PLXNA4: variants seen among roughly 807,000 people sequenced by gnomAD.
The protein encoded by PLXNA4 is plexin-A4.
A neutral mutation model predicts 191.8 loss-of-function variants in PLXNA4; 44 were observed. The observed-to-expected ratio is 0.23, with a 90% CI of 0.18 to 0.29. The LOEUF (loss-of-function observed/expected upper bound fraction) is 0.29. PLXNA4 is among the 10% of genes least tolerant of loss of function. The probability of loss-of-function intolerance (pLI) is 1.00; values close to 1 mark genes in which losing one functional copy is unlikely to be tolerated. For missense variants in PLXNA4, 1,800 were observed against 2,488.8 expected, an observed-to-expected ratio of 0.72 and a Z score of 5.89; for synonymous variants, 1,082 against 1,009.5, an observed-to-expected ratio of 1.07 and a Z score of -1.36.
At chr7:132,521,763 A>G (rs1204152004) in intron 1 of PLXNA4, among the ~76,000 whole-genome samples, 3 of 152,158 alleles carry the variant, frequency 2.0e-5, no homozygotes, top group African/African-American at 4.8e-5. Flanking sequence ...TCAGGTGCCC[A>G]TGACTGTAAA....
intron 3 of PLXNA4, among the ~76,000 whole-genome samples, chr7:132,412,642 T>C (rs927215545): frequency 4.6e-5 from 7 of 152,198 alleles, no homozygotes; most frequent in Admixed American, 1.3e-4. Flanking sequence ...GGTGACATGT[T>C]GAGGTTTGGC....
intron 3 of PLXNA4, among the ~76,000 whole-genome samples, chr7:132,436,001 C>T (rs956718578): frequency 7.9e-5 from 12 of 152,210 alleles, no homozygotes; most frequent in Non-Finnish European, 1.0e-4. Context: ...GGGGCACCCC[C>T]GAACCCTGCT....
At chr7:132,602,411 A>C (rs1020606034) in intron 2 of PLXNA4, among the ~76,000 whole-genome samples, 1 of 152,174 alleles carries the variant, frequency 6.6e-6, no homozygotes, top group Non-Finnish European at 1.5e-5. Flanking sequence ...CCAAGAGACC[A>C]TGTTGCCTCT....
intron 3 of PLXNA4, among the ~76,000 whole-genome samples, chr7:132,346,730 CTT>C (rs754941194): frequency 6.6e-6 from 1 of 152,178 alleles, no homozygotes. Flanking sequence ...AATGTAAACT[CTT>C]TTGAGATACT....
In PLXNA4 at chr7:132,524,814, G is replaced by A. The variant is rs562011301; in HGVS notation, c.-86-16035C>T. Among the ~76,000 whole-genome samples, 534 of 152,112 alleles carry A rather than the reference G, an allele frequency of 3.5e-3. 3 individuals are homozygous for A. Among genetic ancestry groups the A allele is most frequent in the African/African-American group, 0.011 (466 of 41,486 alleles). ...GATCTCCTGACCTCGTGATCCACCCGCCTCGGCCTCCCAAAGTCCTGGGAT... is the reference window on the plus strand; with the variant it reads ...GATCTCCTGACCTCGTGATCCACCCACCTCGGCCTCCCAAAGTCCTGGGAT... On this transcript the variant is annotated intron_variant, in intron 1 of 31. Coordinates refer to ENST00000321063, the MANE Select transcript of PLXNA4 (RefSeq NM_020911.2).
intron 3 of PLXNA4, chr7:132,384,200 T>C (rs1805018672): frequency 8.1e-6 from 8 of 985,436 alleles, no homozygotes; most frequent in Non-Finnish European, 9.6e-6. Context: ...TTGTGTATCC[T>C]CCAGGAACTA....
intron 3 of PLXNA4, among the ~76,000 whole-genome samples, chr7:132,378,847 C>CT (rs11375919): frequency 0.34 from 39,936 of 119,008 alleles, 8,603 homozygotes; most frequent in African/African-American, 0.57. Context: ...GGCACTGGAT[C>CT]TTTTTTTTTT....
At chr7:132,217,556 G>T (rs1280856147) in intron 9 of PLXNA4, among the ~76,000 whole-genome samples, 1 of 152,092 alleles carries the variant, frequency 6.6e-6, no homozygotes, top group African/African-American at 2.4e-5. Flanking sequence ...AGTCACCTCA[G>T]CCTTCATCAG....
At chr7:132,337,149 C>A (rs561504245) in intron 3 of PLXNA4, among the ~76,000 whole-genome samples, 1 of 152,342 alleles carries the variant, frequency 6.6e-6, no homozygotes, top group African/African-American at 2.4e-5. Flanking sequence ...AAATCAGTTT[C>A]TCTTTATTGC....
chr7:132,354,364 A>G (rs960323854), intron 3 of PLXNA4, among the ~76,000 whole-genome samples: 5 of 152,186 alleles, frequency 3.3e-5, no homozygotes, highest in Non-Finnish European at 5.9e-5. Flanking sequence ...TTTAGGGCTC[A>G]GTTTTCTGGA....
chr7:132,139,571 G>A (rs1412001112), intron 30 of PLXNA4, among the ~76,000 whole-genome samples: 1 of 152,176 alleles, frequency 6.6e-6, no homozygotes, highest in Non-Finnish European at 1.5e-5. Context: ...GGATGAGCTG[G>A]GGGTGACAAA....
intron 2 of PLXNA4, among the ~76,000 whole-genome samples, chr7:132,634,721 C>T (rs1212690025): frequency 6.6e-6 from 1 of 152,238 alleles, no homozygotes; most frequent in African/African-American, 2.4e-5. Flanking sequence ...AGATCCCCTT[C>T]TGGCCACCAC....
intron 1 of PLXNA4, among the ~76,000 whole-genome samples, chr7:132,567,278 A>C (rs1402583686): frequency 6.6e-6 from 1 of 151,938 alleles, no homozygotes; most frequent in Non-Finnish European, 1.5e-5. Context: ...TGTTCTGCTA[A>C]ATTCAGCTTG....
At chr7:132,535,272 G>A (rs1799785382) in intron 1 of PLXNA4, among the ~76,000 whole-genome samples, 1 of 152,214 alleles carries the variant, frequency 6.6e-6, no homozygotes, top group African/African-American at 2.4e-5. Flanking sequence ...TACAGACAAT[G>A]CCCAATGGAT....
chr7:132,201,480 C>T (rs79533895), intron 12 of PLXNA4, among the ~76,000 whole-genome samples: 1,665 of 152,298 alleles, frequency 0.011, 15 homozygotes, highest in Middle Eastern at 0.02. Context: ...TGAAACTGTG[C>T]ACAAAGCCCG....
intron 2 of PLXNA4, among the ~76,000 whole-genome samples, chr7:132,592,517 A>AT (rs1668118495): frequency 1.4e-5 from 1 of 72,224 alleles, no homozygotes; most frequent in East Asian, 3.3e-4. Context: ...ATTTAATTTA[A>AT]CCTTTTTTTT....
chr7:132,147,345 C>A (rs1795465384), intron 27 of PLXNA4, among the ~76,000 whole-genome samples: 1 of 152,164 alleles, frequency 6.6e-6, no homozygotes, highest in Non-Finnish European at 1.5e-5. Flanking sequence ...TCAGTCTCTT[C>A]TTCTGGTAAA....
chr7:132,475,275 C>G (rs1318584415), intron 3 of PLXNA4, among the ~76,000 whole-genome samples: 2 of 152,092 alleles, frequency 1.3e-5, no homozygotes, highest in South Asian at 4.2e-4. Flanking sequence ...TTGCCGTGAC[C>G]AGCGGAGGAA....
Position 132,204,229 on chromosome 7 carries a change from G to T in PLXNA4, c.2299-810C>A, listed in dbSNP as rs28533059. Among the ~76,000 whole-genome samples the T allele has an allele frequency of 1.4e-3, 215 of 152,296 alleles. 2 individuals carry two copies. The highest frequency in any genetic ancestry group is 4.8e-3 in the African/African-American group (198 of 41,562). ...GGTGGAGGGTGGAGAGAAGAGGGAGGTGCTGGCTTGAAGATGATGGTGGAG... is the reference window on the plus strand; with the variant it reads ...GGTGGAGGGTGGAGAGAAGAGGGAGTTGCTGGCTTGAAGATGATGGTGGAG... On this transcript the variant is annotated intron_variant, in intron 10 of 31. Coordinates refer to ENST00000321063, the MANE Select transcript of PLXNA4 (RefSeq NM_020911.2).
Sources: gnomAD v4.1 joint callset for allele counts (sites outside exome capture counted in the v4.1 genomes callset) on GRCh38, gnomAD v4.1.1 for gene constraint, MANE v1.5 for transcripts, NCBI Gene and HGNC (gene_info 2026-07-23, HGNC 2026-07-21) for gene names.